Variants in MASP1 observed in about 807,000 individuals in gnomAD.
MASP1 encodes the protein mannan-binding lectin serine protease 1.
In MASP1, 59 loss-of-function variants were observed where a neutral mutation model predicts 77.1. The ratio of observed to expected loss-of-function variants is 0.77; its 90% CI spans 0.62 to 0.95. The LOEUF (loss-of-function observed/expected upper bound fraction) is 0.95. MASP1 is among the 40% of genes least tolerant of loss of function. The pLI, the probability that MASP1 is intolerant of heterozygous loss-of-function variation, is 0.00. For synonymous variants in MASP1, 362 were observed against 354.5 expected (o/e 1.02, Z -0.24); for missense variants, 885 against 912.9 (o/e 0.97, Z 0.39).
Position 187,285,703 on chromosome 3 carries a change from T to C in MASP1, c.237+122A>G, listed in dbSNP as rs993579001. 3.7e-6 allele frequency: 3 copies of C among 801,424 alleles called. No individual in the cohort carries two copies. In the African/African-American group the frequency reaches 5.1e-5, roughly 14 times the overall value. The allele number at this position is 801,424 out of a possible 1,614,324, so 49.6% of individuals were successfully genotyped here. A position where few individuals can be genotyped will look rare whatever the true frequency, so the allele number is the denominator to read the frequency against. ...AGCTTTCCACCTTGACCTGAATTCA[T>C]ACCATTGTGATGTTGTGTGTCTCTC... On this transcript the variant is annotated intron_variant, in intron 2 of 10. Transcript: ENST00000296280.
intron 5 of MASP1, 24 bp downstream of exon 5, chr3:187,256,640 G>T: frequency 6.2e-7 from 1 of 1,612,302 alleles, no homozygotes; most frequent in South Asian, 1.1e-5. Flanking sequence ...GCATCTCCAG[G>T]ACAAGTGTTC....
At chr3:187,219,832 G>A (rs1205011188) in exon 16 of MASP1, 1 of 561,884 alleles carries the variant, frequency 1.8e-6, no homozygotes, top group African/African-American at 1.9e-5. Flanking sequence ...CACCTGCCCA[G>A]CACTGCAAAC....
In MASP1 at chr3:187,235,841, C is replaced by T. The variant is rs768033628; in HGVS notation, c.2030G>A (p.Arg677His). The change falls in exon 11 of 11, where the codon CGC (arginine) becomes CAC (histidine). Residue 677 changes from arginine to histidine, a missense_variant. Physicochemically the swap from Arg to His is conservative, Grantham distance 29. Coordinates refer to ENST00000296280, the MANE Select transcript of MASP1 (RefSeq NM_139125.4). ...AFVIFDDLSQRWVVQGLVSWG... is the reference protein window; with the variant it reads ...AFVIFDDLSQHWVVQGLVSWG... ...GGACACCAGGCCTTGCACCACCCAG[C>T]GCTGGCTCAAGTCATCAAAGATGAC... 7.4e-6 allele frequency: 12 copies of T among 1,614,198 alleles called. No individual in the cohort carries two copies. The highest frequency in any genetic ancestry group is 5.5e-5 in the South Asian group (5 of 91,084).
intron 2 of MASP1, chr3:187,263,323 G>A (rs1715762117): frequency 6.5e-6 from 1 of 154,446 alleles, no homozygotes; most frequent in Non-Finnish European, 1.4e-5. Context: ...ATAAGCTACA[G>A]GAGAGAAGGA....
At chr3:187,240,285 T>C (rs1226085457) in intron 10 of MASP1, among the ~76,000 whole-genome samples, 2 of 152,128 alleles carry the variant, frequency 1.3e-5, no homozygotes, top group Non-Finnish European at 2.9e-5. Flanking sequence ...ACCATTAATA[T>C]AATACACTAT....
intron 11 of MASP1, among the ~76,000 whole-genome samples, chr3:187,227,339 G>A (rs1039592638): frequency 3.3e-5 from 5 of 152,146 alleles, no homozygotes; most frequent in Non-Finnish European, 5.9e-5. Flanking sequence ...GCTCCTGATA[G>A]TCAGCTTAAT....
downstream of MASP1, chr3:187,233,967 T>C (rs1712920390): frequency 3.3e-6 from 2 of 613,438 alleles, no homozygotes; most frequent in Admixed American, 7.5e-5. Context: ...CCAAAAGTTG[T>C]ACTTTTTCTG....
chr3:187,272,683 A>G (rs903044752), intron 2 of MASP1, among the ~76,000 whole-genome samples: 1 of 152,150 alleles, frequency 6.6e-6, no homozygotes, highest in African/African-American at 2.4e-5. Flanking sequence ...GCCCGCCTAC[A>G]ACTGCCTATT....
intron 10 of MASP1, among the ~76,000 whole-genome samples, chr3:187,239,373 A>G (rs1361653645): frequency 1.3e-5 from 2 of 152,090 alleles, no homozygotes; most frequent in Admixed American, 6.6e-5. Context: ...TCAGAATATC[A>G]TAGGTCTCTT....
intron 1 of MASP1, 33 bp from the exon 2 acceptor site, chr3:187,286,089 T>C (rs764257409): frequency 2.1e-5 from 32 of 1,506,108 alleles, no homozygotes; most frequent in South Asian, 2.0e-4. Flanking sequence ...TACTTACATT[T>C]ATAAACACAG....
chr3:187,222,910 C>T (rs139675771), intron 14 of MASP1, among the ~76,000 whole-genome samples: 3 of 152,058 alleles, frequency 2.0e-5, no homozygotes, highest in East Asian at 1.9e-4. Context: ...AAAACTTAAC[C>T]GTGTTTAGAG....
intron 14 of MASP1, chr3:187,221,252 A>T (rs1712042823): frequency 5.5e-6 from 4 of 733,038 alleles, no homozygotes; most frequent in Non-Finnish European, 9.8e-6. Context: ...TCTACCTTAG[A>T]CTTGATCTAA....
intron 2 of MASP1, among the ~76,000 whole-genome samples, chr3:187,270,763 C>T (rs1716455181): frequency 6.6e-6 from 1 of 152,162 alleles, no homozygotes; most frequent in Non-Finnish European, 1.5e-5. Flanking sequence ...GCTCAGCGGC[C>T]ACATAGGGCA....
chr3:187,285,662 C>T lies in MASP1; in HGVS notation c.237+163G>A, dbSNP rs149178698. Among the ~76,000 whole-genome samples the T allele has an allele frequency of 6.2e-3, 936 of 152,132 alleles. 6 individuals carry two copies. Among genetic ancestry groups the T allele is most frequent in the Non-Finnish European group, 0.011 (731 of 67,994 alleles). On this transcript the variant is annotated intron_variant, in intron 2 of 10. Coordinates refer to ENST00000296280, the MANE Select transcript of MASP1 (RefSeq NM_139125.4). ...CCTTCATGGACCTTTCTAGTTCTAC[C>T]CATCAGCTTGCACTTAGCTTTCCAC... is the stretch of plus-strand genomic sequence containing the variant.
chr3:187,267,070 G>A (rs1716098243), intron 2 of MASP1, among the ~76,000 whole-genome samples: 1 of 152,234 alleles, frequency 6.6e-6, no homozygotes, highest in African/African-American at 2.4e-5. Context: ...TTATAGATGA[G>A]GAAATTGAAG....
At position 187,235,595 on chromosome 3, in the gene MASP1, A is replaced by G. The variant is rs1439686990; in HGVS notation, c.*89T>C. ...CCGCTAGGTCAGTGTGTTCCATTCC[A>G]TATGGTCTGATAAGTAATGTGGAGT... On this transcript the variant is annotated 3_prime_UTR_variant, in exon 11 of 11. Transcript: ENST00000296280. 2 of 1,596,166 alleles carry G rather than the reference A, an allele frequency of 1.3e-6. No individual in the cohort carries two copies. Among genetic ancestry groups the G allele is most frequent in the Non-Finnish European group, 8.5e-7 (1 of 1,177,654 alleles).
intron 9 of MASP1, chr3:187,242,970 G>T (rs907605530): frequency 5.0e-6 from 1 of 199,600 alleles, no homozygotes; most frequent in Admixed American, 5.3e-5. Flanking sequence ...CCGTACCAGG[G>T]GAAGAGGTCT....
At chr3:187,225,551 G>A (rs758547058) in intron 12 of MASP1, 5 of 1,601,502 alleles carry the variant, frequency 3.1e-6, no homozygotes, top group Non-Finnish European at 4.3e-6. Context: ...TGCAATGGAG[G>A]ATAAGGTCAC....
At chr3:187,253,480 T>C (rs1282538033) in intron 5 of MASP1, among the ~76,000 whole-genome samples, 165 bp from the exon 6 acceptor site, 4 of 152,200 alleles carry the variant, frequency 2.6e-5, no homozygotes. Context: ...ATTCACCAAA[T>C]GGTTTCATCT....
Sources: allele counts gnomAD v4.1 joint callset (sites outside exome capture counted in the v4.1 genomes callset), GRCh38; gene constraint gnomAD v4.1.1; transcripts MANE v1.5; gene names NCBI Gene and HGNC (gene_info 2026-07-23, HGNC 2026-07-21).